The following KCNIP4 variants were observed in gnomAD, a reference collection of about 807,000 sequenced individuals.
KCNIP4 encodes potassium voltage-gated channel interacting protein 4, also known as Kv channel-interacting protein 4.
KCNIP4 carries 12 observed loss-of-function variants against 34.0 expected under a neutral mutation model. The observed-to-expected ratio is 0.35, with a 90% CI of 0.23 to 0.57. KCNIP4 has a LOEUF of 0.57. Among genes scored for constraint, KCNIP4 ranks in the 20% least tolerant of loss-of-function variants. KCNIP4 has a pLI of 0.83. For synonymous variants in KCNIP4, 124 were observed against 102.2 expected, an observed-to-expected ratio of 1.21 and a Z score of -1.29; for missense variants, 238 against 311.7, an observed-to-expected ratio of 0.76 and a Z score of 1.78.
At chr4:21,719,393 G>A (rs1440744061) in intron 1 of KCNIP4, among the ~76,000 whole-genome samples, 2 of 152,154 alleles carry the variant, frequency 1.3e-5, no homozygotes, top group Non-Finnish European at 2.9e-5. Context: ...GGGGAGAACA[G>A]CATTTTTATA....
At chr4:21,357,616 G>T (rs1379554664) in intron 1 of KCNIP4, among the ~76,000 whole-genome samples, 1 of 152,140 alleles carries the variant, frequency 6.6e-6, no homozygotes, top group Non-Finnish European at 1.5e-5. Flanking sequence ...AAACCAAAAT[G>T]AGATACCATC....
At position 21,250,021 on chromosome 4, in the gene KCNIP4, T is replaced by C. The variant is rs555463310; in HGVS notation, c.62-367312A>G. Among the ~76,000 whole-genome samples, 6 of 152,174 alleles carry C rather than the reference T, an allele frequency of 3.9e-5. No homozygotes were observed. The South Asian group carries it at 1.2e-3, about 32-fold the overall frequency. ...CAGAATGGTGATTTCTTGATATCCA[T>C]TCAGGCTTTGAAAAGAGATCTTATC... On this transcript the variant is annotated intron_variant, in intron 1 of 8. Transcript: ENST00000382152.
chr4:21,362,428 C>T (rs532222987), intron 1 of KCNIP4, among the ~76,000 whole-genome samples: 1 of 152,028 alleles, frequency 6.6e-6, no homozygotes, highest in Admixed American at 6.6e-5. Context: ...ATTAATTTTG[C>T]AAAACTAGTG....
At chr4:21,085,607 A>C (rs1265420873) in intron 1 of KCNIP4, among the ~76,000 whole-genome samples, 1 of 152,180 alleles carries the variant, frequency 6.6e-6, no homozygotes, top group Non-Finnish European at 1.5e-5. Flanking sequence ...CTGGTTGGTC[A>C]AGGCTGCTGC....
intron 3 of KCNIP4, among the ~76,000 whole-genome samples, chr4:20,837,939 C>T (rs566995642): frequency 6.6e-6 from 1 of 151,794 alleles, no homozygotes; most frequent in African/African-American, 2.4e-5. Context: ...ATCCACCCAT[C>T]TCAGCTTCTC....
In KCNIP4 at chr4:20,951,914, A is replaced by T. The variant is rs1317494044; in HGVS notation, c.62-69205T>A. 2.6e-5 allele frequency among the ~76,000 whole-genome samples: 4 copies of T among 152,240 alleles called. No homozygotes were observed. The East Asian group carries it at 7.7e-4, about 29-fold the overall frequency. ...TTTCTTTGTTTCTTGTTTTAGATAT[A>T]AAGTAAATTTGTTAAAAGGCAAAGT... On this transcript the variant is annotated intron_variant, in intron 1 of 8. Transcript: ENST00000382152.
At chr4:21,226,238 G>T (rs1758373432) in intron 1 of KCNIP4, among the ~76,000 whole-genome samples, 1 of 101,042 alleles carries the variant, frequency 9.9e-6, no homozygotes, top group Non-Finnish European at 1.9e-5. Context: ...ATAGGGGGAG[G>T]GAGGGGGGGA....
chr4:21,076,569 A>T (rs1193875457), intron 1 of KCNIP4, among the ~76,000 whole-genome samples: 1 of 152,164 alleles, frequency 6.6e-6, no homozygotes, highest in African/African-American at 2.4e-5. Context: ...AAAATTGTTA[A>T]TTGACTGAAC....
rs4383603 is a variant in KCNIP4 at position 21,471,019 on chromosome 4, A to G, written c.61+477552T>C. ...GGATTGGTATAAACATAAATTCTCA[A>G]TGCTCTCCCTACCTCCAGGCTCACA... is the stretch of plus-strand genomic sequence containing the variant. On this transcript the variant is annotated intron_variant, in intron 1 of 8. Transcript: ENST00000382152. 1.2e-4 allele frequency among the ~76,000 whole-genome samples: 18 copies of G among 152,258 alleles called. 1 individual carries two copies. Among genetic ancestry groups the G allele is most frequent in the Admixed American group, 1.2e-3 (18 of 15,288 alleles).
chr4:21,481,742 T>C (rs1421310736), intron 1 of KCNIP4, among the ~76,000 whole-genome samples: 2 of 152,154 alleles, frequency 1.3e-5, no homozygotes, highest in Non-Finnish European at 2.9e-5. Flanking sequence ...TTGTGGCTCA[T>C]TGAAATAACA....
chr4:21,243,948 G>A (rs1177293052), intron 1 of KCNIP4, among the ~76,000 whole-genome samples: 4 of 152,098 alleles, frequency 2.6e-5, no homozygotes, highest in South Asian at 4.1e-4. Flanking sequence ...CAAGATCATC[G>A]AATGTCTCAA....
rs1317907861 is a variant in KCNIP4, at chr4:21,102,989, T to G, written c.62-220280A>C. 2.6e-5 allele frequency among the ~76,000 whole-genome samples: 4 copies of G among 152,254 alleles called. No homozygotes were observed. The East Asian group carries it at 7.7e-4, about 29-fold the overall frequency. The stretch of plus-strand genomic sequence containing the variant: ...AAAAAAGAAAATAGTTCATTTCCCC[T>G]CTTATTAAATGTTTATTCTTGTTAT... On this transcript the variant is annotated intron_variant, in intron 1 of 8. Coordinates refer to ENST00000382152, the MANE Select transcript of KCNIP4 (RefSeq NM_025221.6).
At chr4:21,136,834 T>G (rs142302220) in intron 1 of KCNIP4, among the ~76,000 whole-genome samples, 22 of 152,296 alleles carry the variant, frequency 1.4e-4, no homozygotes, top group African/African-American at 5.3e-4. Flanking sequence ...AATTTCTGTC[T>G]TCTGTAGTCA....
At chr4:21,582,910 G>A (rs73252272) in intron 1 of KCNIP4, among the ~76,000 whole-genome samples, 9,899 of 151,886 alleles carry the variant, frequency 0.065, 472 homozygotes, top group African/African-American at 0.13. Flanking sequence ...GTTAAAACTA[G>A]TGTGTGCACC....
At chr4:21,837,089 T>G (rs943564748) in intron 1 of KCNIP4, among the ~76,000 whole-genome samples, 1 of 150,850 alleles carries the variant, frequency 6.6e-6, no homozygotes, top group Non-Finnish European at 1.5e-5. Flanking sequence ...GGCTAATTTT[T>G]TGTATTTTTA....
intron 1 of KCNIP4, among the ~76,000 whole-genome samples, chr4:21,247,653 C>T (rs28628640): frequency 9.0e-6 from 1 of 110,980 alleles, no homozygotes; most frequent in Non-Finnish European, 1.7e-5. Context: ...ATATTTATAT[C>T]TATATATTTA....
At chr4:20,748,289 G>T (rs746700918) in intron 5 of KCNIP4, among the ~76,000 whole-genome samples, 1 of 151,926 alleles carries the variant, frequency 6.6e-6, no homozygotes, top group Non-Finnish European at 1.5e-5. Context: ...TCCCAGGCCT[G>T]ATATACTCTG....
At chr4:20,916,578 T>A (rs1372767369) in intron 1 of KCNIP4, among the ~76,000 whole-genome samples, 2 of 152,056 alleles carry the variant, frequency 1.3e-5, no homozygotes, top group Non-Finnish European at 2.9e-5. Flanking sequence ...GCCCTTAGCA[T>A]CCACTCAAAA....
At chr4:21,165,604 G>GA (rs535976545) in intron 1 of KCNIP4, among the ~76,000 whole-genome samples, 3 of 151,694 alleles carry the variant, frequency 2.0e-5, no homozygotes, top group Non-Finnish European at 4.4e-5. Flanking sequence ...AGAAAACAAG[G>GA]AAAAAAATCT....
Sources: gnomAD v4.1 joint callset for allele counts (sites outside exome capture counted in the v4.1 genomes callset) on GRCh38, gnomAD v4.1.1 for gene constraint, MANE v1.5 for transcripts, NCBI Gene and HGNC (gene_info 2026-07-23, HGNC 2026-07-21) for gene names.